GAB1: variants seen among roughly 807,000 people sequenced by gnomAD.
GAB1 encodes GRB2-associated-binding protein 1.
A neutral mutation model predicts 66.5 loss-of-function variants in GAB1; 19 were observed. The ratio of observed to expected loss-of-function variants is 0.29; its 90% CI spans 0.20 to 0.42. The LOEUF (loss-of-function observed/expected upper bound fraction) is 0.42, where lower values mean the gene tolerates loss of function less well. Among genes scored for constraint, GAB1 ranks in the 10% least tolerant of loss-of-function variants. GAB1 has a pLI of 1.00. For synonymous variants in GAB1, 294 were observed against 301.4 expected, an observed-to-expected ratio of 0.98 and a Z score of 0.25; for missense variants, 732 against 858.5, an observed-to-expected ratio of 0.85 and a Z score of 1.84.
chr4:143,407,196 G>A lies in GAB1; in HGVS notation c.73-8281G>A, dbSNP rs186679161. On this transcript the variant is annotated intron_variant, in intron 1 of 9. Transcript: ENST00000262994. ...TTGCTTTAATCAGATGCTCAAAGCC[G>A]TCTATGACCCAGAAAAGGTTTAAGA... 2.5e-4 allele frequency among the ~76,000 whole-genome samples: 38 copies of A among 151,504 alleles called. No individual in the cohort carries two copies. The East Asian group carries it at 2.9e-3, about 12-fold the overall frequency.
chr4:143,367,855 G>C (rs1165154106), intron 1 of GAB1, among the ~76,000 whole-genome samples: 1 of 150,506 alleles, frequency 6.6e-6, no homozygotes, highest in East Asian at 2.0e-4. Context: ...CCCCCAAGTA[G>C]CTGGGACTAC....
chr4:143,464,493 G>A (rs1196392498), intron 8 of GAB1, among the ~76,000 whole-genome samples: 1 of 152,110 alleles, frequency 6.6e-6, no homozygotes, highest in African/African-American at 2.4e-5. Flanking sequence ...GCCTCCCAAA[G>A]TGCTGGGATT....
intron 1 of GAB1, among the ~76,000 whole-genome samples, chr4:143,356,986 T>C (rs2149653476): frequency 6.6e-6 from 1 of 152,322 alleles, no homozygotes; most frequent in East Asian, 1.9e-4. Context: ...CCTTTTTATA[T>C]ATCTTTAAAA....
At chr4:143,443,183 A>AT in intron 6 of GAB1, among the ~76,000 whole-genome samples, 1 of 151,646 alleles carries the variant, frequency 6.6e-6, no homozygotes. Context: ...CGCCCAGCTA[A>AT]TTTTTTGTAT....
intron 1 of GAB1, among the ~76,000 whole-genome samples, chr4:143,365,417 A>C (rs147435675): frequency 1.8e-3 from 267 of 152,314 alleles, no homozygotes; most frequent in African/African-American, 5.7e-3. Flanking sequence ...GTTGGTCTCT[A>C]ATGTGCCCCA....
rs1736184686 is a variant in GAB1, at chr4:143,474,192, C to T, written c.*5003C>T. On this transcript the variant is annotated 3_prime_UTR_variant, in exon 10 of 10. Transcript: ENST00000262994. ...CTATTTTTGATAAAATAAAGGAACA[C>T]CTACAGAAAATTAAGTTTCTAAGAT... 3 of 152,126 alleles carry T rather than the reference C, an allele frequency of 2.0e-5. No individual in the cohort carries two copies. The South Asian group carries it at 6.2e-4, about 32-fold the overall frequency. The allele number at this position is 152,126 out of a possible 1,614,324, so 9.4% of individuals were successfully genotyped here. A position where few individuals can be genotyped will look rare whatever the true frequency, so the allele number is the denominator to read the frequency against.
chr4:143,361,416 G>A (rs1729657484), intron 1 of GAB1, among the ~76,000 whole-genome samples: 1 of 152,068 alleles, frequency 6.6e-6, no homozygotes, highest in Admixed American at 6.6e-5. Context: ...ATCTTATAGT[G>A]GCCTTTGACC....
At chr4:143,343,530 T>C (rs1487376833) in intron 1 of GAB1, 1 of 154,802 alleles carries the variant, frequency 6.5e-6, no homozygotes, top group East Asian at 1.9e-4. Context: ...GCTTTTGTTA[T>C]GTGCCATGTG....
At chr4:143,405,210 C>T (rs1731980553) in intron 1 of GAB1, among the ~76,000 whole-genome samples, 1 of 152,164 alleles carries the variant, frequency 6.6e-6, no homozygotes, top group South Asian at 2.1e-4. Flanking sequence ...CACACACATA[C>T]ACACAAATGT....
intron 1 of GAB1, among the ~76,000 whole-genome samples, chr4:143,397,664 T>TA: frequency 6.6e-6 from 1 of 152,318 alleles, no homozygotes; most frequent in East Asian, 1.9e-4. Context: ...TTACCCTCTA[T>TA]AAATACTTTG....
rs532770431 is a variant in GAB1 at position 143,464,377 on chromosome 4, C to T, written c.1804-1726C>T. On this transcript the variant is annotated intron_variant, in intron 8 of 9. Coordinates refer to ENST00000262994, the MANE Select transcript of GAB1 (RefSeq NM_002039.4). ...CCAAGTAGCTGGGATTACAGGTGCC[C>T]ACCACCACACCTGGCTAGTTTTTGT... is the stretch of plus-strand genomic sequence containing the variant. Among the ~76,000 whole-genome samples, 3 of 151,850 alleles carry T rather than the reference C, an allele frequency of 2.0e-5. No individual in the cohort carries two copies. In the East Asian group the frequency reaches 5.8e-4, roughly 29 times the overall value.
chr4:143,366,624 C>G (rs1729890256), intron 1 of GAB1, among the ~76,000 whole-genome samples: 1 of 152,040 alleles, frequency 6.6e-6, no homozygotes, highest in African/African-American at 2.4e-5. Context: ...TCACTATCAC[C>G]TCATATACAT....
intron 2 of GAB1, among the ~76,000 whole-genome samples, chr4:143,417,901 G>A (rs977561826): frequency 2.6e-5 from 4 of 152,186 alleles, no homozygotes; most frequent in African/African-American, 4.8e-5. Flanking sequence ...GTGCATTTCC[G>A]AACATCTACA....
At position 143,440,121 on chromosome 4, in the gene GAB1, G is replaced by A. The variant is rs968151837; in HGVS notation, c.1324G>A (p.Glu442Lys). Residue 442 changes from glutamate to lysine, a missense_variant, in exon 6 of 10, where the codon GAA (glutamate) becomes AAA (lysine). Glu to Lys is a moderately conservative substitution (Grantham distance 56). This residue lies in a region of GAB1 where 427 missense variants were observed against 420.6 expected (regional missense o/e 1.02). Coordinates refer to ENST00000262994, the MANE Select transcript of GAB1 (RefSeq NM_002039.4). Reference sequence around the variant, plus strand: ...GACAGTGGGAAGTGTTTCAAGTGAAGAACTGGATGAAAATTACGTCCCAAT... The same window carrying A: ...GACAGTGGGAAGTGTTTCAAGTGAAAAACTGGATGAAAATTACGTCCCAAT... ...VLTVGSVSSE[E>K]LDENYVPMNP... The A allele has an allele frequency of 1.2e-6, 2 of 1,614,160 alleles. No individual in the cohort carries two copies. The highest frequency in any genetic ancestry group is 1.3e-5 in the African/African-American group (1 of 75,064).
intron 1 of GAB1, among the ~76,000 whole-genome samples, chr4:143,381,764 T>C (rs189450027): frequency 3.3e-4 from 51 of 152,356 alleles, no homozygotes; most frequent in African/African-American, 1.2e-3. Flanking sequence ...CTCTTGTTTC[T>C]GAACAGTACT....
At chr4:143,402,400 A>G (rs1229719416) in intron 1 of GAB1, among the ~76,000 whole-genome samples, 1 of 152,192 alleles carries the variant, frequency 6.6e-6, no homozygotes, top group African/African-American at 2.4e-5. Flanking sequence ...ACCAGCTGGG[A>G]TATGAGGACT....
intron 1 of GAB1, among the ~76,000 whole-genome samples, chr4:143,367,800 C>T (rs1382123279): frequency 6.8e-6 from 1 of 147,110 alleles, no homozygotes; most frequent in African/African-American, 2.5e-5. Context: ...TCTTGGCTCA[C>T]TGTAACCTCT....
intron 6 of GAB1, among the ~76,000 whole-genome samples, chr4:143,445,226 C>T (rs1408375743): frequency 2.6e-5 from 4 of 152,154 alleles, no homozygotes; most frequent in Non-Finnish European, 5.9e-5. Flanking sequence ...TATAAGCATT[C>T]CCTTTTCTTC....
At chr4:143,432,099 G>A (rs533833567) in intron 2 of GAB1, among the ~76,000 whole-genome samples, 2 of 152,140 alleles carry the variant, frequency 1.3e-5, no homozygotes, top group Non-Finnish European at 1.5e-5. Flanking sequence ...TTCTTCTACC[G>A]GGAGAGAGAC....
Sources: allele counts gnomAD v4.1 joint callset (sites outside exome capture counted in the v4.1 genomes callset), GRCh38; gene constraint gnomAD v4.1.1; regional missense constraint gnomAD v4.1.1; transcripts MANE v1.5; gene names NCBI Gene and HGNC (gene_info 2026-07-23, HGNC 2026-07-21).